Variants in VPS54 observed in about 807,000 individuals in gnomAD.
The protein encoded by VPS54 is vacuolar protein sorting-associated protein 54.
Under a neutral mutation model 121.5 loss-of-function variants are expected in VPS54, and 45 were observed. That is an observed-to-expected ratio of 0.37 (90% CI 0.29 to 0.47). The LOEUF (loss-of-function observed/expected upper bound fraction) is 0.47. VPS54 is among the 20% of genes least tolerant of loss of function. The pLI is 0.99. For missense variants in VPS54, 1,090 were observed against 1,131.4 expected (o/e 0.96, Z 0.52); for synonymous variants, 371 against 385.8 (o/e 0.96, Z 0.45).
chr2:63,981,517 C>T (rs1190308129), intron 3 of VPS54, 129 bp downstream of exon 3: 2 of 1,049,266 alleles, frequency 1.9e-6, no homozygotes, highest in East Asian at 2.5e-5. Context: ...CAGGACAGTA[C>T]AATTTGTATG....
At chr2:63,958,268 CA>C (rs1242100834) in intron 7 of VPS54, among the ~76,000 whole-genome samples, 1 of 151,148 alleles carries the variant, frequency 6.6e-6, no homozygotes, top group Admixed American at 6.6e-5. Flanking sequence ...CAGAGGTCAC[CA>C]AAAAAGTTTA....
At chr2:63,987,829 C>T (rs2104632161) in intron 1 of VPS54, among the ~76,000 whole-genome samples, 1 of 152,188 alleles carries the variant, frequency 6.6e-6, no homozygotes, top group Admixed American at 6.6e-5. Context: ...TCACATTGTT[C>T]AGTGTTGGCA....
At chr2:63,971,624 G>A (rs1404315496) in intron 4 of VPS54, among the ~76,000 whole-genome samples, 1 of 152,078 alleles carries the variant, frequency 6.6e-6, no homozygotes, top group Admixed American at 6.6e-5. Context: ...TGTAATCACT[G>A]TCAACTCTAG....
chr2:63,962,494 G>A (rs1415102670), intron 6 of VPS54, 51 bp from the exon 7 acceptor site: 1 of 1,515,692 alleles, frequency 6.6e-7, no homozygotes, highest in Non-Finnish European at 8.8e-7. Context: ...TACCTTCCTT[G>A]ATTATCCAAA....
intron 22 of VPS54, among the ~76,000 whole-genome samples, chr2:63,893,899 A>C (rs994026116): frequency 5.3e-5 from 8 of 152,222 alleles, no homozygotes; most frequent in African/African-American, 1.9e-4. Context: ...GTGCTGACTA[A>C]AATAGTAAAC....
intron 1 of VPS54, among the ~76,000 whole-genome samples, chr2:64,012,691 CA>C (rs1202577558): frequency 0.06 from 8,139 of 135,846 alleles, 456 homozygotes; most frequent in African/African-American, 0.15. Context: ...ATCGGCCCAT[CA>C]AAAAAAAAAA....
At chr2:63,926,867 C>G (rs191355683) in intron 12 of VPS54, among the ~76,000 whole-genome samples, 1 of 152,130 alleles carries the variant, frequency 6.6e-6, no homozygotes, top group South Asian at 2.1e-4. Flanking sequence ...CCCACACCCA[C>G]GGAGCCTTGC....
At chr2:63,899,827 C>T (rs561428520) in intron 20 of VPS54, among the ~76,000 whole-genome samples, 1 of 152,276 alleles carries the variant, frequency 6.6e-6, no homozygotes, top group African/African-American at 2.4e-5. Context: ...TGCTTCCAAT[C>T]TTAGAACAGA....
At chr2:64,001,018 G>C (rs1235943254) in intron 1 of VPS54, among the ~76,000 whole-genome samples, 1 of 152,168 alleles carries the variant, frequency 6.6e-6, no homozygotes, top group Non-Finnish European at 1.5e-5. Context: ...CAGGAGCTAG[G>C]AATCAGTCAA....
chr2:63,945,620 T>G (rs991999947), intron 9 of VPS54, among the ~76,000 whole-genome samples: 2 of 152,210 alleles, frequency 1.3e-5, no homozygotes, highest in African/African-American at 4.8e-5. Context: ...TCTCTCACAG[T>G]GTTTGAAAAG....
chr2:63,905,683 A>G (rs1672877512), intron 20 of VPS54, among the ~76,000 whole-genome samples: 1 of 152,152 alleles, frequency 6.6e-6, no homozygotes, highest in Admixed American at 6.5e-5. Flanking sequence ...TCATTTTATG[A>G]GTCCAGTATT....
chr2:63,988,272 G>T (rs1341674892), intron 1 of VPS54, among the ~76,000 whole-genome samples: 1 of 152,126 alleles, frequency 6.6e-6, no homozygotes, highest in East Asian at 1.9e-4. Context: ...CAATTGATAT[G>T]TTTTTTCTCC....
chr2:63,922,417 T>C (rs940656974), intron 12 of VPS54, among the ~76,000 whole-genome samples: 16 of 152,248 alleles, frequency 1.1e-4, no homozygotes, highest in Admixed American at 6.5e-5. Flanking sequence ...TAATTGGTTA[T>C]GGTATTAAAG....
chr2:63,956,207 T>C (rs887788516), intron 7 of VPS54, among the ~76,000 whole-genome samples: 4 of 152,168 alleles, frequency 2.6e-5, no homozygotes, highest in Non-Finnish European at 5.9e-5. Flanking sequence ...GGATGTTTTC[T>C]TACTACAATA....
At chr2:63,904,549 C>T (rs912904274) in intron 20 of VPS54, among the ~76,000 whole-genome samples, 1 of 143,290 alleles carries the variant, frequency 7.0e-6, no homozygotes, top group East Asian at 2.1e-4. Context: ...ATACATATAA[C>T]AAAAACTTGC....
At chr2:63,965,413 T>G (rs912748844) in intron 6 of VPS54, among the ~76,000 whole-genome samples, 2 of 152,020 alleles carry the variant, frequency 1.3e-5, no homozygotes, top group African/African-American at 4.8e-5. Context: ...GAGGTGGAGG[T>G]TGCAGTGAGT....
chr2:63,944,676 C>T (rs371571655), intron 9 of VPS54, 21 bp from the exon 10 acceptor site: 3 of 1,583,128 alleles, frequency 1.9e-6, no homozygotes, highest in Non-Finnish European at 2.6e-6. Flanking sequence ...TAAGAAAAAA[C>T]AAAAACAATT....
At chr2:63,959,669 G>A (rs1247619925) in intron 7 of VPS54, among the ~76,000 whole-genome samples, 6 of 152,062 alleles carry the variant, frequency 3.9e-5, no homozygotes, top group African/African-American at 9.7e-5. Flanking sequence ...GGTAGATGGC[G>A]TGAGCTCAGG....
intron 1 of VPS54, among the ~76,000 whole-genome samples, chr2:63,985,473 A>T (rs189632521): frequency 6.6e-4 from 100 of 152,312 alleles, no homozygotes; most frequent in African/African-American, 2.2e-3. Context: ...ACATAACCAA[A>T]TATACCATTC....
Sources: allele counts gnomAD v4.1 joint callset (sites outside exome capture counted in the v4.1 genomes callset), GRCh38; gene constraint gnomAD v4.1.1; transcripts MANE v1.5; gene names NCBI Gene and HGNC (gene_info 2026-07-23, HGNC 2026-07-21).